PADI6: variants seen among roughly 807,000 people sequenced by gnomAD.
PADI6 encodes inactive protein-arginine deiminase type-6.
PADI6 carries 66 observed loss-of-function variants against 78.2 expected under a neutral mutation model. The ratio of observed to expected loss-of-function variants is 0.84; its 90% confidence interval spans 0.69 to 1.04. The LOEUF is 1.04. PADI6 is among the 50% of genes least tolerant of loss of function. PADI6 has a pLI of 0.00. For synonymous variants in PADI6, 397 were observed against 346.9 expected, an observed-to-expected ratio of 1.14 and a Z score of -1.60; for missense variants, 854 against 866.1, an observed-to-expected ratio of 0.99 and a Z score of 0.18.
chr1:17,380,011 C>G, intron 4 of PADI6, 24 bp downstream of exon 4: 1 of 1,612,058 alleles, frequency 6.2e-7, no homozygotes, highest in Admixed American at 1.7e-5. Flanking sequence ...CAAAAGGGGG[C>G]AGGGAAGGGG....
chr1:17,399,865 T>A (rs979160408), intron 15 of PADI6, among the ~76,000 whole-genome samples: 2 of 151,582 alleles, frequency 1.3e-5, no homozygotes, highest in African/African-American at 4.9e-5. Flanking sequence ...TGGTTGAAAC[T>A]CTCTAGTAAG....
At chr1:17,400,506 G>A (rs2075291573) in intron 15 of PADI6, among the ~76,000 whole-genome samples, 1 of 147,632 alleles carries the variant, frequency 6.8e-6, no homozygotes, top group Non-Finnish European at 1.5e-5. Context: ...AAACTGTTTT[G>A]TTTTTTTGTT....
rs373066165 is a variant in PADI6, at chr1:17,401,311, C to T, written c.1958C>T (p.Pro653Leu). The T allele has an allele frequency of 6.2e-7, 1 of 1,613,934 alleles. No homozygotes were observed. The highest frequency in any genetic ancestry group is 8.5e-7 in the Non-Finnish European group (1 of 1,179,914). Reference sequence around the variant, plus strand: ...GAAAAGATTTGCTGCTTGCTGGAGCCCCTGGGCTTCAAGTGCACCTTCATC... The same window carrying T: ...GAAAAGATTTGCTGCTTGCTGGAGCTCCTGGGCTTCAAGTGCACCTTCATC... The part of the protein sequence containing the change: ...LEEKICCLLE[P>L]LGFKCTFIND... The change falls in exon 16 of 16, where the codon CCC (proline) becomes CTC (leucine). Residue 653 changes from proline to leucine, a missense_variant. Coordinates refer to ENST00000619609, the MANE Select transcript of PADI6 (RefSeq NM_207421.4).
chr1:17,379,152 G>A (rs1185683296), intron 3 of PADI6, among the ~76,000 whole-genome samples: 1 of 111,266 alleles, frequency 9.0e-6, no homozygotes, highest in Non-Finnish European at 1.6e-5. Flanking sequence ...TCTCGCTGTC[G>A]CCCAGGCTGG....
At chr1:17,394,517 C>A in intron 11 of PADI6, 63 bp downstream of exon 11, 1 of 1,540,746 alleles carries the variant, frequency 6.5e-7, no homozygotes. Flanking sequence ...CCCCTGGCCC[C>A]GCCTGCTTCC....
At chr1:17,397,636 T>C (rs2075259668) in intron 14 of PADI6, among the ~76,000 whole-genome samples, 1 of 152,098 alleles carries the variant, frequency 6.6e-6, no homozygotes. Flanking sequence ...CCAAGCATTT[T>C]GCGAGATACC....
chr1:17,377,733 G>A (rs894072025), intron 3 of PADI6, among the ~76,000 whole-genome samples: 2 of 152,192 alleles, frequency 1.3e-5, no homozygotes, highest in African/African-American at 4.8e-5. Context: ...CTCCCAGTGT[G>A]TTCACTCCGG....
intron 6 of PADI6, among the ~76,000 whole-genome samples, chr1:17,383,025 C>G (rs1230186241): frequency 1.3e-5 from 2 of 152,246 alleles, no homozygotes; most frequent in Non-Finnish European, 2.9e-5. Context: ...GCAAACAATC[C>G]TCCTGCCTTG....
At chr1:17,399,718 C>G (rs2075282827) in intron 15 of PADI6, among the ~76,000 whole-genome samples, 1 of 146,366 alleles carries the variant, frequency 6.8e-6, no homozygotes, top group African/African-American at 2.5e-5. Flanking sequence ...CATAGTGAGA[C>G]CCTGCAACTT....
chr1:17,385,386 G>A (rs1353496112), intron 6 of PADI6, among the ~76,000 whole-genome samples: 1 of 152,182 alleles, frequency 6.6e-6, no homozygotes, highest in Non-Finnish European at 1.5e-5. Flanking sequence ...AAGAGAGGAT[G>A]TAGTGATGGG....
chr1:17,393,858 G>A (rs992704035), intron 9 of PADI6, 117 bp from the exon 10 acceptor site: 2 of 823,088 alleles, frequency 2.4e-6, no homozygotes, highest in Non-Finnish European at 2.0e-6. Context: ...TGAGCTGGGT[G>A]TTGAGGGTTG....
intron 5 of PADI6, among the ~76,000 whole-genome samples, chr1:17,381,496 T>G (rs943721519): frequency 1.1e-4 from 16 of 152,178 alleles, no homozygotes; most frequent in African/African-American, 3.9e-4. Flanking sequence ...CAAGACTAAA[T>G]GAAGACAATA....
At chr1:17,392,542 G>T (rs1324317789) in intron 9 of PADI6, among the ~76,000 whole-genome samples, 7 of 152,160 alleles carry the variant, frequency 4.6e-5, no homozygotes, top group Admixed American at 4.6e-4. Context: ...CTGCCCTGGG[G>T]TCCCGCCTGA....
chr1:17,389,099 T>C (rs1055163356), intron 8 of PADI6, among the ~76,000 whole-genome samples: 1 of 152,030 alleles, frequency 6.6e-6, no homozygotes, highest in Non-Finnish European at 1.5e-5. Context: ...AGTCCCCCCA[T>C]TATGTGAGGG....
At chr1:17,382,945 A>G (rs2075087212) in intron 6 of PADI6, among the ~76,000 whole-genome samples, 1 of 152,120 alleles carries the variant, frequency 6.6e-6, no homozygotes, top group Non-Finnish European at 1.5e-5. Context: ...TGTGTGCCAC[A>G]ACTGGCTAAT....
chr1:17,390,733 A>G (rs993809176), intron 8 of PADI6, among the ~76,000 whole-genome samples: 4 of 152,150 alleles, frequency 2.6e-5, no homozygotes, highest in African/African-American at 9.7e-5. Context: ...AGAAGGTAAA[A>G]TCTCAGAAAG....
chr1:17,372,389 TGGCAGGCA>T (rs754345368), intron 1 of PADI6, 28 bp downstream of exon 1: 11 of 1,605,516 alleles, frequency 6.9e-6, no homozygotes, highest in Non-Finnish European at 8.5e-6. Flanking sequence ...CTGCCAGAGG[TGGCAGGCA>T]GACAGGCAGG....
At position 17,401,317 on chromosome 1, in the gene PADI6, G is replaced by A. The variant is rs766475742; in HGVS notation, c.1964G>A (p.Gly655Asp). Residue 655 changes from glycine to aspartate, a missense_variant, in exon 16 of 16, where the codon GGC becomes GAC. Physicochemically the swap from Gly to Asp is moderately conservative, Grantham distance 94. Transcript: ENST00000619609. ...EKICCLLEPL[G>D]FKCTFINDFD... ...ATTTGCTGCTTGCTGGAGCCCCTGG[G>A]CTTCAAGTGCACCTTCATCAATGAC... 2.2e-5 allele frequency: 36 copies of A among 1,613,966 alleles called. 1 individual carries two copies. In the South Asian group the frequency reaches 3.6e-4, roughly 16 times the overall value.
At chr1:17,388,638 C>CT in intron 7 of PADI6, 79 bp downstream of exon 7, 3 of 1,480,750 alleles carry the variant, frequency 2.0e-6, no homozygotes, top group African/African-American at 1.4e-5. Flanking sequence ...TTGGGCAGAG[C>CT]TTGAGGTTTG....
Sources: allele counts gnomAD v4.1 joint callset (sites outside exome capture counted in the v4.1 genomes callset), GRCh38; gene constraint gnomAD v4.1.1; transcripts MANE v1.5; gene names NCBI Gene and HGNC (gene_info 2026-07-23, HGNC 2026-07-21).